The following CAMSAP1 variants were observed in gnomAD, a reference collection of about 807,000 sequenced individuals.
CAMSAP1 encodes the protein calmodulin-regulated spectrin-associated protein 1.
Under a neutral mutation model 143.5 loss-of-function variants are expected in CAMSAP1, and 58 were observed. The ratio of observed to expected loss-of-function variants is 0.40; its 90% CI spans 0.33 to 0.50. CAMSAP1 has a LOEUF of 0.50. Among genes scored for constraint, CAMSAP1 ranks in the 20% least tolerant of loss-of-function variants. The probability of loss-of-function intolerance (pLI) is 0.45; values close to 1 mark genes in which losing one functional copy is unlikely to be tolerated. For missense variants in CAMSAP1, 1,969 were observed against 2,115.7 expected (o/e 0.93, Z 1.36); for synonymous variants, 945 against 859.3 (o/e 1.10, Z -1.74).
Position 135,822,538 on chromosome 9 carries a change from T to C in CAMSAP1, c.2123A>G (p.Asp708Gly). ...DGFFLHVGRA[D>G]EDTEGRLYVS... ...ATATAACCTTCCCTCGGTGTCTTCA[T>C]CGGCCCTGCCTACATGAAGGAAGAA... The change falls in exon 11 of 17, where the codon GAT becomes GGT. Residue 708 changes from aspartate to glycine, a missense_variant. Transcript: ENST00000389532. This position sits in a 1 kb window ranked among gnomAD's most constrained non-coding sequence, Gnocchi z 6.1. 3.1e-6 allele frequency: 5 copies of C among 1,613,810 alleles called. No homozygotes were observed. The highest frequency in any genetic ancestry group is 4.2e-6 in the Non-Finnish European group (5 of 1,179,858).
At chr9:135,832,858 A>G (rs375632110) in intron 7 of CAMSAP1, among the ~76,000 whole-genome samples, 9 of 152,222 alleles carry the variant, frequency 5.9e-5, no homozygotes, top group African/African-American at 2.2e-4. Flanking sequence ...ACTGAAAACA[A>G]TAGAACACTG....
intron 3 of CAMSAP1, among the ~76,000 whole-genome samples, chr9:135,868,403 T>C (rs1022023742): frequency 2.0e-5 from 3 of 152,094 alleles, no homozygotes; most frequent in African/African-American, 7.2e-5. Flanking sequence ...TTATTCACAT[T>C]TGCAAACATG....
chr9:135,843,251 C>T (rs571584391), intron 7 of CAMSAP1, among the ~76,000 whole-genome samples: 1 of 151,988 alleles, frequency 6.6e-6, no homozygotes, highest in South Asian at 2.1e-4. Context: ...CGCTTGAACC[C>T]GGGAGGCAGA....
chr9:135,873,316 G>A (rs1429832318), intron 3 of CAMSAP1, among the ~76,000 whole-genome samples: 3 of 152,096 alleles, frequency 2.0e-5, no homozygotes, highest in African/African-American at 7.2e-5. Context: ...TATAATGCAC[G>A]GCTGAAGTGC....
At chr9:135,858,425 G>A (rs1837054814) in intron 5 of CAMSAP1, among the ~76,000 whole-genome samples, 1 of 152,088 alleles carries the variant, frequency 6.6e-6, no homozygotes, top group Admixed American at 6.5e-5. Context: ...GGATACATCA[G>A]TGAGCAAAAC....
chr9:135,844,923 T>C (rs376845605), intron 7 of CAMSAP1, among the ~76,000 whole-genome samples: 8 of 152,154 alleles, frequency 5.3e-5, no homozygotes, highest in African/African-American at 1.9e-4. Flanking sequence ...GATTCACAGT[T>C]GAATTCTACC....
Position 135,817,756 on chromosome 9 carries a change from G to T in CAMSAP1, c.4271+221C>A, listed in dbSNP as rs1393076889. ...GTGCACGTGTGGGGTGGGGGACAGG[G>T]GAGGGTGATAAGGTGAAGGCTGCCA... On this transcript the variant is annotated intron_variant, in intron 14 of 16. Coordinates refer to ENST00000389532, the MANE Select transcript of CAMSAP1 (RefSeq NM_015447.4). 1.5e-5 allele frequency: 8 copies of T among 529,558 alleles called. No individual in the cohort carries two copies. The Admixed American group carries it at 2.6e-4, about 17-fold the overall frequency. The allele number at this position is 529,558 out of a possible 1,614,324, so 32.8% of individuals were successfully genotyped here.
At chr9:135,902,349 A>G (rs1392953721) in intron 1 of CAMSAP1, among the ~76,000 whole-genome samples, 1 of 152,238 alleles carries the variant, frequency 6.6e-6, no homozygotes, top group Non-Finnish European at 1.5e-5. Flanking sequence ...TGCCATCAAG[A>G]GCAGCCTCTT....
intron 1 of CAMSAP1, among the ~76,000 whole-genome samples, chr9:135,905,603 T>C (rs992828785): frequency 3.3e-5 from 5 of 151,912 alleles, no homozygotes; most frequent in East Asian, 1.9e-4. Context: ...TGTGGAAAAG[T>C]GAAGATGAAG....
intron 3 of CAMSAP1, among the ~76,000 whole-genome samples, chr9:135,868,135 C>T (rs1211730250): frequency 6.9e-6 from 1 of 145,954 alleles, no homozygotes; most frequent in African/African-American, 2.6e-5. Context: ...GAAAAAAAAA[C>T]AAAAAAGCTG....
Position 135,818,383 on chromosome 9 carries a change from C to T in CAMSAP1, c.4168+25G>A, listed in dbSNP as rs373219360. 2 of 1,539,220 alleles carry T rather than the reference C, an allele frequency of 1.3e-6. No individual in the cohort carries two copies. Among genetic ancestry groups the T allele is most frequent in the South Asian group, 1.2e-5 (1 of 84,432 alleles). The stretch of plus-strand genomic sequence containing the variant: ...CGCCGCCCGCGGAAGGAAGCGCTGC[C>T]CGCGTGAGGGCCGGGGCTGCTTACG... On this transcript the variant is annotated intron_variant, in intron 13 of 16. Transcript: ENST00000389532. This position sits in a 1 kb window ranked among gnomAD's most constrained non-coding sequence, Gnocchi z 7.7.
Position 135,877,413 on chromosome 9 carries a change from A to G in CAMSAP1, c.585+4220T>C, listed in dbSNP as rs576773166. ...GGAAACATTACCTTGATTGTGGTGA[A>G]TGCTAAACAAATGACTGCTTATCAA... On this transcript the variant is annotated intron_variant, in intron 3 of 16. Coordinates refer to ENST00000389532, the MANE Select transcript of CAMSAP1 (RefSeq NM_015447.4). 1.4e-4 allele frequency among the ~76,000 whole-genome samples: 22 copies of G among 152,136 alleles called. No individual in the cohort carries two copies. The South Asian group carries it at 4.2e-3, about 29-fold the overall frequency.
At chr9:135,825,502 G>A (rs1835640629) in intron 8 of CAMSAP1, among the ~76,000 whole-genome samples, 1 of 152,156 alleles carries the variant, frequency 6.6e-6, no homozygotes, top group Admixed American at 6.5e-5. Flanking sequence ...AACGATGAGA[G>A]GTGCACACAG....
chr9:135,855,399 A>G (rs1376065393), intron 5 of CAMSAP1, among the ~76,000 whole-genome samples: 2 of 152,196 alleles, frequency 1.3e-5, no homozygotes, highest in Non-Finnish European at 2.9e-5. Flanking sequence ...TGCAAAAGAC[A>G]TGATCTCATC....
chr9:135,888,400 G>A (rs545666459), intron 1 of CAMSAP1, among the ~76,000 whole-genome samples: 7 of 152,280 alleles, frequency 4.6e-5, no homozygotes, highest in Non-Finnish European at 7.3e-5. Flanking sequence ...GGCAGCACAC[G>A]GCAAAGACCC....
chr9:135,838,519 C>T (rs1233940333), intron 7 of CAMSAP1, among the ~76,000 whole-genome samples: 6 of 149,744 alleles, frequency 4.0e-5, no homozygotes, highest in Admixed American at 4.0e-4. Flanking sequence ...CGTCATCACG[C>T]ACTTTCCACC....
In CAMSAP1 at chr9:135,826,196, A is replaced by G. The variant is rs560895659; in HGVS notation, c.1223+1211T>C. The G allele has an allele frequency of 6.6e-3, 841 of 126,996 alleles. 6 individuals carry two copies. Among genetic ancestry groups the G allele is most frequent in the African/African-American group, 0.025 (795 of 31,916 alleles). The allele number at this position is 126,996 out of a possible 1,614,324, so 7.9% of individuals were successfully genotyped here. A position where few individuals can be genotyped will look rare whatever the true frequency, so the allele number is the denominator to read the frequency against. ...GAGCAGCGTGTACACGGGCACCAGC[A>G]CACACACACACACACACACGGCTCA... On this transcript the variant is annotated intron_variant, in intron 8 of 16. Transcript: ENST00000389532. This position sits in a 1 kb window ranked among gnomAD's most constrained non-coding sequence, Gnocchi z 4.4.
chr9:135,888,155 G>T (rs1434310477), intron 1 of CAMSAP1, among the ~76,000 whole-genome samples: 1 of 152,230 alleles, frequency 6.6e-6, no homozygotes, highest in Non-Finnish European at 1.5e-5. Flanking sequence ...TCTGAACCCT[G>T]GCCCCCTACC....
intron 3 of CAMSAP1, among the ~76,000 whole-genome samples, chr9:135,878,485 G>C (rs928535654): frequency 6.6e-6 from 1 of 152,212 alleles, no homozygotes; most frequent in African/African-American, 2.4e-5. Flanking sequence ...TATGCCCAAA[G>C]GGAATTCAGA....
Sources: allele counts gnomAD v4.1 joint callset (sites outside exome capture counted in the v4.1 genomes callset), GRCh38; gene constraint gnomAD v4.1.1; non-coding constraint Gnocchi (gnomAD v3.1); transcripts MANE v1.5; gene names NCBI Gene and HGNC (gene_info 2026-07-23, HGNC 2026-07-21).